Variants in AKAP6 observed in about 807,000 individuals in gnomAD.
AKAP6 encodes A-kinase anchoring protein 6.
Under a neutral mutation model 188.5 loss-of-function variants are expected in AKAP6, and 58 were observed. The ratio of observed to expected loss-of-function variants is 0.31; its 90% CI spans 0.25 to 0.38. The LOEUF is 0.38. Ranked by LOEUF, AKAP6 falls within the 10% of genes least tolerant of loss-of-function variation. AKAP6 has a pLI of 1.00. For synonymous variants in AKAP6, 989 were observed against 998.6 expected, an observed-to-expected ratio of 0.99 and a Z score of 0.18; for missense variants, 2,710 against 2,740.0, an observed-to-expected ratio of 0.99 and a Z score of 0.24.
intron 7 of AKAP6, among the ~76,000 whole-genome samples, chr14:32,646,861 T>G (rs1888007626): frequency 6.6e-6 from 1 of 152,088 alleles, no homozygotes; most frequent in Admixed American, 6.5e-5. Context: ...ATGGCATACT[T>G]GAGGAAAGTT....
chr14:32,522,376 G>T (rs1420386193), intron 2 of AKAP6, among the ~76,000 whole-genome samples: 1 of 152,122 alleles, frequency 6.6e-6, no homozygotes, highest in African/African-American at 2.4e-5. Context: ...CACAGCAAAA[G>T]AAACTACCAT....
At position 32,678,299 on chromosome 14, in the gene AKAP6, T is replaced by G; in HGVS notation, c.2731-12T>G. On this transcript the variant is annotated splice_polypyrimidine_tract_variant and intron_variant, in intron 7 of 13. Coordinates refer to ENST00000280979, the MANE Select transcript of AKAP6 (RefSeq NM_004274.5). ...GATTAAAACAGCAATTTCTCTTTGT[T>G]TCTCTTTCCAGGCTGAGGTTCAACT... 2 of 1,603,390 alleles carry G rather than the reference T, an allele frequency of 1.2e-6. No individual in the cohort carries two copies. The highest frequency in any genetic ancestry group is 1.7e-6 in the Non-Finnish European group (2 of 1,172,182).
intron 1 of AKAP6, among the ~76,000 whole-genome samples, chr14:32,363,868 A>G (rs1043970075): frequency 6.6e-6 from 1 of 152,216 alleles, no homozygotes; most frequent in Non-Finnish European, 1.5e-5. Context: ...AGCTTCAACT[A>G]AAAAGGCGAA....
intron 13 of AKAP6, among the ~76,000 whole-genome samples, chr14:32,826,355 T>C (rs1322494308): frequency 6.6e-6 from 1 of 152,224 alleles, no homozygotes; most frequent in Non-Finnish European, 1.5e-5. Context: ...GTCCACCCTA[T>C]AATCACATTC....
rs530281676 is a variant in AKAP6, at chr14:32,823,888, C to T, written c.6075C>T (p.Asn2025=). The part of the protein sequence containing the change: ...SAGCCLALEQ[N]GTEENASISN... ...GTTGTTGCCTAGCACTTGAACAAAA[C>T]GGAACAGAGGAAAATGCTTCTATCA... The change falls in exon 13 of 14, where the codon AAC becomes AAT. Residue 2025 remains asparagine (N), a synonymous_variant. Coordinates refer to ENST00000280979, the MANE Select transcript of AKAP6 (RefSeq NM_004274.5). 66 of 1,613,808 alleles carry T rather than the reference C, an allele frequency of 4.1e-5. No individual in the cohort carries two copies. The highest frequency in any genetic ancestry group is 5.3e-5 in the African/African-American group (4 of 74,998).
chr14:32,362,612 C>T (rs528124255), intron 1 of AKAP6, among the ~76,000 whole-genome samples: 3 of 152,060 alleles, frequency 2.0e-5, no homozygotes, highest in Non-Finnish European at 4.4e-5. Flanking sequence ...GGTGTGGAAG[C>T]ATGAGCAAAC....
intron 9 of AKAP6, chr14:32,718,423 G>A (rs1594878316): frequency 3.2e-6 from 2 of 616,978 alleles, no homozygotes; most frequent in East Asian, 1.4e-4. Context: ...AAGGGGTCAG[G>A]GGATGGGTAG....
intron 2 of AKAP6, among the ~76,000 whole-genome samples, chr14:32,506,397 A>T (rs1175474811): frequency 2.0e-5 from 3 of 152,188 alleles, no homozygotes. Context: ...TCAAGGCCAG[A>T]TCTTACAACC....
At chr14:32,586,456 C>T (rs1484079672) in intron 5 of AKAP6, among the ~76,000 whole-genome samples, 7 of 152,156 alleles carry the variant, frequency 4.6e-5, no homozygotes, top group East Asian at 1.9e-4. Flanking sequence ...GGTGAAACCT[C>T]GTCTCTACAA....
chr14:32,742,760 T>A (rs1383331541), intron 11 of AKAP6, among the ~76,000 whole-genome samples: 1 of 152,120 alleles, frequency 6.6e-6, no homozygotes, highest in Non-Finnish European at 1.5e-5. Context: ...TTTTTTGGAA[T>A]GTTTTAAGAC....
intron 2 of AKAP6, among the ~76,000 whole-genome samples, chr14:32,437,769 G>A (rs981497950): frequency 2.0e-5 from 3 of 152,084 alleles, no homozygotes; most frequent in Admixed American, 2.0e-4. Flanking sequence ...GCTAATGTTT[G>A]TATTTTGTGT....
chr14:32,484,115 A>G, intron 2 of AKAP6: 1 of 47,536 alleles, frequency 2.1e-5, no homozygotes. Flanking sequence ...TTGGTATAGA[A>G]TAGGGTCCCC....
At position 32,433,930 on chromosome 14, in the gene AKAP6, A is replaced by G. The variant is rs1890300576; in HGVS notation, c.324+113A>G. ...AATTGTCCAGGAAGAAAAGCACAGT[A>G]CCAGGTTTCAAACCATTATCTTTAG... is the stretch of plus-strand genomic sequence containing the variant. On this transcript the variant is annotated intron_variant, in intron 2 of 13. Coordinates refer to ENST00000280979, the MANE Select transcript of AKAP6 (RefSeq NM_004274.5). The G allele has an allele frequency of 1.2e-5, 12 of 991,094 alleles. No homozygotes were observed. In the South Asian group the frequency reaches 2.0e-4, roughly 16 times the overall value. 61.4% of individuals were successfully genotyped at this position (991,094 alleles called of 1,614,324 possible).
intron 2 of AKAP6, among the ~76,000 whole-genome samples, chr14:32,485,481 C>T (rs1228104101): frequency 2.6e-5 from 4 of 152,088 alleles, no homozygotes; most frequent in Non-Finnish European, 5.9e-5. Flanking sequence ...TCTGTTGTTT[C>T]CTGACTTTTT....
chr14:32,359,562 CTT>C (rs36076715), intron 1 of AKAP6, among the ~76,000 whole-genome samples: 2 of 143,560 alleles, frequency 1.4e-5, no homozygotes, highest in Non-Finnish European at 1.5e-5. Context: ...ACTGCATAGA[CTT>C]TTTTTTTTTT....
chr14:32,510,220 C>G (rs1046675274), intron 2 of AKAP6, among the ~76,000 whole-genome samples: 4 of 151,584 alleles, frequency 2.6e-5, no homozygotes, highest in African/African-American at 9.7e-5. Context: ...CTATAATGCA[C>G]TCATCATTGC....
At chr14:32,388,714 G>C (rs1051116419) in intron 1 of AKAP6, among the ~76,000 whole-genome samples, 5 of 152,054 alleles carry the variant, frequency 3.3e-5, no homozygotes, top group Non-Finnish European at 7.4e-5. Context: ...GTCTGAGAGA[G>C]AGTGCTTGGT....
chr14:32,355,070 T>C (rs187915481), intron 1 of AKAP6, among the ~76,000 whole-genome samples: 49 of 152,350 alleles, frequency 3.2e-4, no homozygotes, highest in Middle Eastern at 3.4e-3. Flanking sequence ...CTGTCCTTTC[T>C]ATGGACTAAT....
chr14:32,357,005 AT>A (rs1887506535), intron 1 of AKAP6, among the ~76,000 whole-genome samples: 1 of 152,136 alleles, frequency 6.6e-6, no homozygotes, highest in South Asian at 2.1e-4. Flanking sequence ...ATGTCTTCAT[AT>A]ATTTCTCTTT....
Sources: allele counts gnomAD v4.1 joint callset (sites outside exome capture counted in the v4.1 genomes callset), GRCh38; gene constraint gnomAD v4.1.1; transcripts MANE v1.5; gene names NCBI Gene and HGNC (gene_info 2026-07-23, HGNC 2026-07-21).